The following RPS6KC1 variants were observed in gnomAD, a reference collection of about 807,000 sequenced individuals.
RPS6KC1 encodes ribosomal protein S6 kinase C1.
Under a neutral mutation model 103.8 loss-of-function variants are expected in RPS6KC1, and 54 were observed. The observed-to-expected ratio is 0.52, with a 90% CI of 0.42 to 0.65. The LOEUF (loss-of-function observed/expected upper bound fraction) is 0.65, where lower values mean the gene tolerates loss of function less well. RPS6KC1 is among the 30% of genes least tolerant of loss of function. The probability of loss-of-function intolerance (pLI) is 0.00; values close to 1 mark genes in which losing one functional copy is unlikely to be tolerated. For synonymous variants in RPS6KC1, 439 were observed against 438.7 expected, an observed-to-expected ratio of 1.00 and a Z score of -0.01; for missense variants, 1,151 against 1,253.8, an observed-to-expected ratio of 0.92 and a Z score of 1.24.
At chr1:213,363,684 TTC>T in the RPS6KC1 span, among the ~76,000 whole-genome samples, 15 of 104,810 alleles carry the variant, frequency 1.4e-4, 4 homozygotes, top group African/African-American at 7.3e-4. Context: ...CTTTCTTTCT[TTC>T]TTTCTTTCTT....
At chr1:213,103,738 A>G (rs898386254) in intron 3 of RPS6KC1, among the ~76,000 whole-genome samples, 3 of 152,242 alleles carry the variant, frequency 2.0e-5, no homozygotes, top group Non-Finnish European at 4.4e-5. Flanking sequence ...TCAGTATGAT[A>G]TATGGCATAT....
intron 4 of RPS6KC1, among the ~76,000 whole-genome samples, chr1:213,113,682 G>C (rs9660835): frequency 6.7e-6 from 1 of 149,788 alleles, no homozygotes; most frequent in Non-Finnish European, 1.5e-5. Flanking sequence ...CTAGGGTTTT[G>C]ATGGTTTTAG....
the RPS6KC1 span, chr1:213,820,210 T>G: frequency 7.9e-5 from 12 of 152,122 alleles, no homozygotes; most frequent in African/African-American, 2.9e-4. Context: ...CATCTCTGAG[T>G]GCAAGGGCAT....
chr1:213,074,393 A>G (rs754177143), intron 2 of RPS6KC1, among the ~76,000 whole-genome samples: 25 of 152,312 alleles, frequency 1.6e-4, no homozygotes, highest in Non-Finnish European at 2.2e-4. Context: ...TTATAGACCT[A>G]TTTTTTCAAT....
At chr1:213,671,699 G>A in the RPS6KC1 span, among the ~76,000 whole-genome samples, 2 of 152,122 alleles carry the variant, frequency 1.3e-5, no homozygotes, top group African/African-American at 2.4e-5. Flanking sequence ...CAGAAGAATC[G>A]CTTGAACCTG....
the RPS6KC1 span, among the ~76,000 whole-genome samples, chr1:213,667,629 G>T: frequency 2.0e-5 from 3 of 152,144 alleles, no homozygotes; most frequent in Admixed American, 2.0e-4. Flanking sequence ...TCTTAAAATA[G>T]TACAGTGAAG....
chr1:213,742,587 C>T, the RPS6KC1 span, among the ~76,000 whole-genome samples: 1 of 152,252 alleles, frequency 6.6e-6, no homozygotes, highest in Non-Finnish European at 1.5e-5. Context: ...ACAGCTAGCA[C>T]TCATTTACTA....
chr1:213,226,885 A>G (rs555666698), intron 8 of RPS6KC1, among the ~76,000 whole-genome samples: 26 of 152,318 alleles, frequency 1.7e-4, no homozygotes, highest in African/African-American at 5.8e-4. Flanking sequence ...ACAATATTTC[A>G]ACTATGTATA....
At chr1:213,346,359 TA>T in the RPS6KC1 span, among the ~76,000 whole-genome samples, 10 of 150,644 alleles carry the variant, frequency 6.6e-5, no homozygotes, top group African/African-American at 1.7e-4. Flanking sequence ...GGTAGAACAA[TA>T]AAAAAAAATA....
At chr1:213,545,371 C>CAAAT in the RPS6KC1 span, among the ~76,000 whole-genome samples, 19,313 of 119,236 alleles carry the variant, frequency 0.16, 2,069 homozygotes, top group Non-Finnish European at 0.17. Flanking sequence ...AACTCTGTCT[C>CAAAT]AAATAAATAA....
At chr1:213,294,208 C>G in the RPS6KC1 span, among the ~76,000 whole-genome samples, 1 of 152,186 alleles carries the variant, frequency 6.6e-6, no homozygotes, top group Non-Finnish European at 1.5e-5. Flanking sequence ...AACAGTTGAT[C>G]AAAGATGGTT....
chr1:213,770,120 A>T, the RPS6KC1 span, among the ~76,000 whole-genome samples: 1 of 152,148 alleles, frequency 6.6e-6, no homozygotes, highest in Non-Finnish European at 1.5e-5. Flanking sequence ...GTGCTGCTAA[A>T]TGGGTTTTTT....
At chr1:213,738,210 G>A in the RPS6KC1 span, among the ~76,000 whole-genome samples, 8 of 152,118 alleles carry the variant, frequency 5.3e-5, no homozygotes, top group Admixed American at 3.3e-4. Flanking sequence ...GTCAGGGTGC[G>A]TTGCTGGGTC....
the RPS6KC1 span, among the ~76,000 whole-genome samples, chr1:213,358,114 G>T: frequency 6.6e-6 from 1 of 151,848 alleles, no homozygotes; most frequent in East Asian, 1.9e-4. Flanking sequence ...TTGTGTCTCT[G>T]CCAGGCTTTG....
At chr1:213,770,594 C>G in the RPS6KC1 span, among the ~76,000 whole-genome samples, 1 of 152,174 alleles carries the variant, frequency 6.6e-6, no homozygotes, top group Non-Finnish European at 1.5e-5. Context: ...AACAACCCAA[C>G]AAGGCAGTGG....
At chr1:213,120,287 C>T (rs1299195168) in intron 5 of RPS6KC1, among the ~76,000 whole-genome samples, 1 of 152,140 alleles carries the variant, frequency 6.6e-6, no homozygotes, top group African/African-American at 2.4e-5. Flanking sequence ...TGTTGTTTTT[C>T]TCCCCTCCCT....
the RPS6KC1 span, chr1:213,492,410 C>T: frequency 6.6e-6 from 1 of 152,220 alleles, no homozygotes. Context: ...TAACTAACCA[C>T]ATATTAACAA....
At chr1:213,363,759 C>CTTCT in the RPS6KC1 span, among the ~76,000 whole-genome samples, 1,412 of 56,556 alleles carry the variant, frequency 0.025, 91 homozygotes, top group East Asian at 0.068. Flanking sequence ...CTCTTTCTCT[C>CTTCT]TTCTTTCTTT....
chr1:213,287,217 TG>T, the RPS6KC1 span, among the ~76,000 whole-genome samples: 1 of 147,710 alleles, frequency 6.8e-6, no homozygotes, highest in Non-Finnish European at 1.5e-5. Flanking sequence ...AAGGAACTTC[TG>T]GGGTGCCTAT....
Sources: gnomAD v4.1 joint callset for allele counts (sites outside exome capture counted in the v4.1 genomes callset) on GRCh38, gnomAD v4.1.1 for gene constraint, MANE v1.5 for transcripts, NCBI Gene and HGNC (gene_info 2026-07-23, HGNC 2026-07-21) for gene names.